HACL1: variants seen among roughly 807,000 people sequenced by gnomAD.
The protein encoded by HACL1 is 1600020H07Rik.
Under a neutral mutation model 74.2 loss-of-function variants are expected in HACL1, and 64 were observed. That is an observed-to-expected ratio of 0.86 (90% CI 0.70 to 1.06). The LOEUF is 1.06. HACL1 is among the 50% of genes least tolerant of loss of function. The pLI, the probability that HACL1 is intolerant of heterozygous loss-of-function variation, is 0.00. For synonymous variants in HACL1, 230 were observed against 238.8 expected (o/e 0.96, Z 0.34); for missense variants, 728 against 719.7 (o/e 1.01, Z -0.13).
Position 15,586,586 on chromosome 3 carries a change from A to G in HACL1, c.398T>C (p.Leu133Ser), listed in dbSNP as rs569002676. The G allele has an allele frequency of 1.9e-6, 3 of 1,592,452 alleles. No homozygotes were observed. In the African/African-American group the frequency reaches 4.0e-5, roughly 21 times the overall value. Residue 133 changes from leucine (L) to serine (S), a missense_variant, in exon 6 of 17, where the codon TTA becomes TCA. By Grantham distance (145) the Leu-to-Ser change is moderately radical. Transcript: ENST00000321169. ...TGGGCGGGCAGAGAACTTGGTATAT[A>G]ATCTACAAGCTTCAACCTACATGGA... is the stretch of plus-strand genomic sequence containing the variant. ...QEFPQVEACRLYTKFSARPSS... is the reference protein window; with the variant it reads ...QEFPQVEACRSYTKFSARPSS...
intron 3 of HACL1, 120 bp from the exon 4 acceptor site, chr3:15,591,800 A>G: frequency 1.7e-6 from 1 of 588,418 alleles, no homozygotes; most frequent in Non-Finnish European, 3.1e-6. Flanking sequence ...CTTTACTATA[A>G]CTGATAAAAC....
Position 15,586,609 on chromosome 3 carries a change from G to A in HACL1, c.382-7C>T. 1 of 1,540,664 alleles carries A rather than the reference G, an allele frequency of 6.5e-7. No individual in the cohort carries two copies. The highest frequency in any genetic ancestry group is 9.0e-7 in the Non-Finnish European group (1 of 1,116,098). On this transcript the variant is annotated splice_polypyrimidine_tract_variant and splice_region_variant and intron_variant, in intron 5 of 16. Transcript: ENST00000321169. ...ATAATCTACAAGCTTCAACCTACAT[G>A]GAAAATGAAAATCACTTAAAATTCA...
At chr3:15,563,891 A>T (rs1394294081) in intron 15 of HACL1, among the ~76,000 whole-genome samples, 2 of 152,250 alleles carry the variant, frequency 1.3e-5, no homozygotes, top group Non-Finnish European at 2.9e-5. Context: ...TCTAATTTGC[A>T]ACAGTTGCAG....
intron 16 of HACL1, among the ~76,000 whole-genome samples, chr3:15,562,519 C>T (rs1179869413): frequency 2.0e-5 from 3 of 152,060 alleles, no homozygotes; most frequent in Non-Finnish European, 4.4e-5. Context: ...TCATCCACCG[C>T]TTTGTTCACA....
chr3:15,578,853 A>G (rs1467644001), intron 9 of HACL1, among the ~76,000 whole-genome samples: 1 of 152,146 alleles, frequency 6.6e-6, no homozygotes, highest in Non-Finnish European at 1.5e-5. Context: ...ATGTGATACT[A>G]TAAGGGAGCA....
intron 14 of HACL1, among the ~76,000 whole-genome samples, chr3:15,566,121 C>T (rs931664397): frequency 2.6e-5 from 4 of 152,130 alleles, no homozygotes; most frequent in African/African-American, 9.7e-5. Flanking sequence ...ACAACTATAC[C>T]TTCCCAAATC....
At chr3:15,597,773 C>T (rs2064095707) in intron 2 of HACL1, among the ~76,000 whole-genome samples, 1 of 151,866 alleles carries the variant, frequency 6.6e-6, no homozygotes, top group Non-Finnish European at 1.5e-5. Context: ...TCCTTTTGCA[C>T]ATAAGGCCAA....
At chr3:15,571,575 G>T in intron 12 of HACL1, 93 bp downstream of exon 12, 1 of 754,218 alleles carries the variant, frequency 1.3e-6, no homozygotes, top group South Asian at 1.5e-5. Flanking sequence ...TGCACATCAA[G>T]GTGATTTTTA....
At chr3:15,575,588 G>A (rs1486703458) in intron 9 of HACL1, among the ~76,000 whole-genome samples, 1 of 151,964 alleles carries the variant, frequency 6.6e-6, no homozygotes, top group African/African-American at 2.4e-5. Flanking sequence ...TTTTGCCCGG[G>A]CTGGAATGCA....
chr3:15,594,266 T>G (rs1362056813), intron 3 of HACL1, among the ~76,000 whole-genome samples: 1 of 151,912 alleles, frequency 6.6e-6, no homozygotes, highest in Non-Finnish European at 1.5e-5. Context: ...ACTAGCTGAG[T>G]ATGGTGGTGC....
intron 16 of HACL1, among the ~76,000 whole-genome samples, chr3:15,561,705 G>A (rs2063349959): frequency 6.6e-6 from 1 of 152,136 alleles, no homozygotes; most frequent in African/African-American, 2.4e-5. Context: ...TATTTTGAGA[G>A]ACAGTCTCAC....
intron 16 of HACL1, among the ~76,000 whole-genome samples, chr3:15,562,249 C>T (rs1423163297): frequency 1.3e-5 from 2 of 152,136 alleles, no homozygotes; most frequent in African/African-American, 4.8e-5. Flanking sequence ...GCAGACCCTC[C>T]CTTAAAACAG....
intron 9 of HACL1, among the ~76,000 whole-genome samples, chr3:15,577,955 G>A (rs756882172): frequency 4.6e-5 from 7 of 151,736 alleles, no homozygotes; most frequent in African/African-American, 7.3e-5. Context: ...AAAATTAGCC[G>A]GGTGTGGTGG....
chr3:15,568,091 T>C, intron 13 of HACL1, 89 bp from the exon 14 acceptor site: 1 of 1,059,956 alleles, frequency 9.4e-7, no homozygotes, highest in Non-Finnish European at 1.4e-6. Context: ...ATTTACATGG[T>C]TGATGGAAAA....
intron 11 of HACL1, 74 bp downstream of exon 11, chr3:15,573,085 C>A: frequency 1.2e-6 from 1 of 838,040 alleles, no homozygotes; most frequent in Non-Finnish European, 2.1e-6. Context: ...CCAAGTGAAT[C>A]AAGATTAAAA....
At chr3:15,577,489 G>GA (rs111623258) in intron 9 of HACL1, among the ~76,000 whole-genome samples, 177 of 136,018 alleles carry the variant, frequency 1.3e-3, no homozygotes, top group South Asian at 1.4e-3. Flanking sequence ...TTCCTAAAAA[G>GA]AAAAAAAAAA....
At chr3:15,601,005 C>G (rs1484156906) in intron 2 of HACL1, 85 bp downstream of exon 2, 1 of 799,426 alleles carries the variant, frequency 1.3e-6, no homozygotes, top group East Asian at 2.5e-5. Flanking sequence ...GAGTGGTAAG[C>G]GCTATCTGGG....
intron 14 of HACL1, among the ~76,000 whole-genome samples, chr3:15,565,096 C>T (rs939665601): frequency 5.3e-5 from 8 of 151,324 alleles, no homozygotes; most frequent in South Asian, 2.1e-4. Flanking sequence ...ACCCGGGAGG[C>T]GGAGGTTGCA....
intron 2 of HACL1, among the ~76,000 whole-genome samples, chr3:15,597,002 G>T (rs115701671): frequency 0.021 from 3,144 of 152,062 alleles, 48 homozygotes; most frequent in Non-Finnish European, 0.033. Context: ...TTAGTTATAG[G>T]TTACAAGTTT....
Sources: gnomAD v4.1 joint callset for allele counts (sites outside exome capture counted in the v4.1 genomes callset) on GRCh38, gnomAD v4.1.1 for gene constraint, MANE v1.5 for transcripts, NCBI Gene and HGNC (gene_info 2026-07-23, HGNC 2026-07-21) for gene names.